The following TJP1 variants were observed in gnomAD, a reference collection of about 807,000 sequenced individuals.
TJP1 encodes the protein tight junction protein 1, also known as tight junction protein ZO-1.
A neutral mutation model predicts 194.2 loss-of-function variants in TJP1; 43 were observed. The ratio of observed to expected loss-of-function variants is 0.22; its 90% confidence interval spans 0.17 to 0.29. The LOEUF is 0.29. Ranked by LOEUF, TJP1 falls within the 10% of genes least tolerant of loss-of-function variation. The pLI is 1.00. For missense variants in TJP1, 1,971 were observed against 2,185.7 expected (o/e 0.90, Z 1.96); for synonymous variants, 801 against 779.0 (o/e 1.03, Z -0.47).
chr15:29,736,012 A>G (rs1477708834), intron 11 of TJP1, among the ~76,000 whole-genome samples: 2 of 152,216 alleles, frequency 1.3e-5, no homozygotes, highest in Admixed American at 6.5e-5. Flanking sequence ...CCAAGTTTTA[A>G]AAGTATCAGT....
chr15:29,946,394 C>T (rs907886899), intron 2 of TJP1, among the ~76,000 whole-genome samples: 2 of 152,186 alleles, frequency 1.3e-5, no homozygotes, highest in Non-Finnish European at 2.9e-5. Context: ...CATCTCACCA[C>T]AAAATACTAA....
intron 1 of TJP1, among the ~76,000 whole-genome samples, chr15:29,963,122 C>G (rs762153597): frequency 6.6e-6 from 1 of 152,082 alleles, no homozygotes; most frequent in African/African-American, 2.4e-5. Flanking sequence ...GCCTGGGTGA[C>G]AAGAGTGAAA....
At chr15:29,881,376 T>C (rs2052922548) in intron 2 of TJP1, among the ~76,000 whole-genome samples, 1 of 152,202 alleles carries the variant, frequency 6.6e-6, no homozygotes, top group Admixed American at 6.5e-5. Context: ...TTCACAAATA[T>C]ATTCTCCCCA....
At chr15:29,956,224 C>G (rs1596323659) in intron 2 of TJP1, 1 of 1,280,634 alleles carries the variant, frequency 7.8e-7, no homozygotes, top group Non-Finnish European at 1.0e-6. Flanking sequence ...ATTGATCAGT[C>G]CACTTACAGT....
intron 1 of TJP1, among the ~76,000 whole-genome samples, chr15:29,817,828 C>G (rs139525832): frequency 2.0e-5 from 3 of 152,044 alleles, no homozygotes; most frequent in Non-Finnish European, 4.4e-5. Context: ...ACACCAGGAC[C>G]TGGGGCCTGT....
chr15:29,876,804 T>C lies in TJP1; in HGVS notation c.307-76102A>G, dbSNP rs552904566. ...ATTCCTCTGCAGAATCCGGGTGCAA[T>C]GTAACATCAGGCAGTGCTGTGAGCT... is the stretch of plus-strand genomic sequence containing the variant. On this transcript the variant is annotated intron_variant, in intron 2 of 28. Transcript: ENST00000356107. Among the ~76,000 whole-genome samples, 38 of 152,288 alleles carry C rather than the reference T, an allele frequency of 2.5e-4. No individual in the cohort carries two copies. The South Asian group carries it at 7.9e-3, about 32-fold the overall frequency.
chr15:29,792,043 A>T (rs568605500), intron 2 of TJP1, among the ~76,000 whole-genome samples: 12 of 151,198 alleles, frequency 7.9e-5, no homozygotes, highest in Admixed American at 7.2e-4. Context: ...TCAGTTGGGT[A>T]GTCTGCAAAT....
At position 29,761,639 on chromosome 15, in the gene TJP1, G is replaced by C; in HGVS notation, c.824C>G (p.Ser275Cys). ...GGCATTAGCAGAGTGGATGCTGTCA[G>C]AAAGATCAGGGACATTCAATAGCGT... Reference protein sequence around the residue: ...RATLLNVPDLSDSIHSANASE... With the variant: ...RATLLNVPDLCDSIHSANASE... Residue 275 changes from serine (S) to cysteine (C), a missense_variant, in exon 7 of 28, where the codon TCT (serine) becomes TGT (cysteine). By Grantham distance (112) the Ser-to-Cys change is moderately radical. Transcript: ENST00000614355. 1 of 1,606,914 alleles carries C rather than the reference G, an allele frequency of 6.2e-7. No homozygotes were observed. The highest frequency in any genetic ancestry group is 8.5e-7 in the Non-Finnish European group (1 of 1,174,246).
intron 10 of TJP1, among the ~76,000 whole-genome samples, chr15:29,738,408 G>A (rs2044175232): frequency 6.6e-6 from 1 of 152,102 alleles, no homozygotes; most frequent in Admixed American, 6.6e-5. Context: ...TGTTGAGGAA[G>A]GAGAGATTTC....
In TJP1 at chr15:29,718,736, C is replaced by T; in HGVS notation, c.3406G>A (p.Ala1136Thr). 2 of 1,614,120 alleles carry T rather than the reference C, an allele frequency of 1.2e-6. No homozygotes were observed. Among genetic ancestry groups the T allele is most frequent in the Non-Finnish European group, 1.7e-6 (2 of 1,180,028 alleles). Reference sequence around the variant, plus strand: ...GGTCTGCTGTCGTAAGACAGAGGGGCTGGCTCTTCAAAACGTGGAAAGTAC... The same window carrying T: ...GGTCTGCTGTCGTAAGACAGAGGGGTTGGCTCTTCAAAACGTGGAAAGTAC... Reference protein sequence around the residue: ...RGYFPRFEEPAPLSYDSRPRY... With the variant: ...RGYFPRFEEPTPLSYDSRPRY... Residue 1136 changes from alanine to threonine, a missense_variant, in exon 21 of 28, where the codon GCC becomes ACC. Ala to Thr is a moderately conservative substitution (Grantham distance 58). Transcript: ENST00000614355.
chr15:29,881,349 G>A (rs888087630), intron 2 of TJP1, among the ~76,000 whole-genome samples: 2 of 151,996 alleles, frequency 1.3e-5, no homozygotes, highest in African/African-American at 4.8e-5. Context: ...GAAATTAACC[G>A]CTTATCAGAT....
chr15:29,800,801 A>C, intron 1 of TJP1, 99 bp from the exon 2 acceptor site: 1 of 1,167,312 alleles, frequency 8.6e-7, no homozygotes. Context: ...TGAAATACCA[A>C]AATTCACAGT....
chr15:29,951,793 G>C (rs1401862443), intron 2 of TJP1, among the ~76,000 whole-genome samples: 1 of 152,116 alleles, frequency 6.6e-6, no homozygotes, highest in Non-Finnish European at 1.5e-5. Context: ...AAAACTTTTT[G>C]TAGTATTTTT....
At position 29,909,067 on chromosome 15, in the gene TJP1, G is replaced by T. The variant is rs371349041; in HGVS notation, c.306+47165C>A. 1.9e-4 allele frequency among the ~76,000 whole-genome samples: 28 copies of T among 151,316 alleles called. No homozygotes were observed. In the East Asian group the frequency reaches 2.9e-3, roughly 16 times the overall value. ...AGCTACTCAGGAGGCTGAGGCAGGA[G>T]AATGGCATGAACCCAGGAGGCGGAG... On this transcript the variant is annotated intron_variant, in intron 2 of 28. Coordinates refer to the TJP1 transcript ENST00000356107.
chr15:29,726,221 A>C (rs922014212), intron 18 of TJP1, among the ~76,000 whole-genome samples, 158 bp downstream of exon 18: 1 of 152,226 alleles, frequency 6.6e-6, no homozygotes, highest in Non-Finnish European at 1.5e-5. Context: ...AACAACTTTC[A>C]TAACCCCTAC....
At chr15:29,799,266 G>A (rs1341438456) in intron 2 of TJP1, among the ~76,000 whole-genome samples, 2 of 152,086 alleles carry the variant, frequency 1.3e-5, no homozygotes, top group African/African-American at 4.8e-5. Context: ...ATATGTATCT[G>A]ATTTAAATAT....
chr15:29,797,334 G>A lies in TJP1; in HGVS notation c.84+3312C>T, dbSNP rs200324394. Among the ~76,000 whole-genome samples, 119 of 152,228 alleles carry A rather than the reference G, an allele frequency of 7.8e-4. 1 individual carries two copies. The East Asian group carries it at 0.021, about 26-fold the overall frequency. ...CCAGCTAATTTTTGTATTTTTAGTA[G>A]AGACAGGCTTTCACCATGTTGGCCA... On this transcript the variant is annotated intron_variant, in intron 2 of 27. Coordinates refer to ENST00000614355, the MANE Select transcript of TJP1 (RefSeq NM_001330239.4).
At position 29,718,814 on chromosome 15, in the gene TJP1, G is replaced by A. The variant is rs1209160603; in HGVS notation, c.3328C>T (p.His1110Tyr). ...TGTCTGGAGTCAAGGTCTTGAGAGT[G>A]CTGATTATCAAAAGGTGGCCGAGAT... ...YPSRPPFDNQ[H>Y]SQDLDSRQHP... The change falls in exon 21 of 28, where the codon CAC becomes TAC. Residue 1110 changes from histidine (H) to tyrosine (Y), a missense_variant. By Grantham distance (83) the His-to-Tyr change is moderately conservative. Around this residue, in one of 5 missense-constraint regions of TJP1, gnomAD observed 1,108 missense variants for 1,128.5 expected, o/e 0.98. Coordinates refer to ENST00000614355, the MANE Select transcript of TJP1 (RefSeq NM_001330239.4). 2 of 1,614,084 alleles carry A rather than the reference G, an allele frequency of 1.2e-6. No individual in the cohort carries two copies. Among genetic ancestry groups the A allele is most frequent in the African/African-American group, 1.3e-5 (1 of 74,936 alleles).
intron 4 of TJP1, among the ~76,000 whole-genome samples, chr15:29,768,728 G>A (rs75207091): frequency 1.1e-4 from 16 of 152,226 alleles, no homozygotes; most frequent in Non-Finnish European, 2.2e-4. Flanking sequence ...CAGTCCTATT[G>A]TGATTCTCTA....
Sources: gnomAD v4.1 joint callset for allele counts (sites outside exome capture counted in the v4.1 genomes callset) on GRCh38, gnomAD v4.1.1 for gene constraint, gnomAD v4.1.1 regional missense constraint, MANE v1.5 for transcripts, NCBI Gene and HGNC (gene_info 2026-07-23, HGNC 2026-07-21) for gene names.